The following NLGN1 variants were observed in gnomAD, a reference collection of about 807,000 sequenced individuals.
NLGN1 encodes the protein neuroligin-1.
In NLGN1, 12 loss-of-function variants were observed where a neutral mutation model predicts 65.5. That is an observed-to-expected ratio of 0.18 (90% confidence interval 0.12 to 0.30). The LOEUF is 0.30. Among genes scored for constraint, NLGN1 ranks in the 10% least tolerant of loss-of-function variants. NLGN1 has a pLI of 1.00. For missense variants in NLGN1, 750 were observed against 1,007.1 expected (o/e 0.74, Z 3.46); for synonymous variants, 350 against 359.5 (o/e 0.97, Z 0.30).
intron 4 of NLGN1, among the ~76,000 whole-genome samples, chr3:174,274,042 C>G (rs932199885): frequency 6.6e-6 from 1 of 151,362 alleles, no homozygotes; most frequent in Non-Finnish European, 1.5e-5. Context: ...CAATCATTGA[C>G]CCATTATGTT....
chr3:173,806,308 T>G (rs1277324359), intron 3 of NLGN1, among the ~76,000 whole-genome samples: 1 of 152,126 alleles, frequency 6.6e-6, no homozygotes, highest in Non-Finnish European at 1.5e-5. Flanking sequence ...TCTATTTTTT[T>G]ACAAAAAATG....
At chr3:173,541,129 T>C (rs1052404212) in intron 2 of NLGN1, among the ~76,000 whole-genome samples, 2 of 152,156 alleles carry the variant, frequency 1.3e-5, no homozygotes, top group African/African-American at 4.8e-5. Flanking sequence ...CTATAAGATA[T>C]AAACAATGTT....
intron 4 of NLGN1, among the ~76,000 whole-genome samples, chr3:173,843,822 C>A (rs1725253059): frequency 6.6e-6 from 1 of 152,164 alleles, no homozygotes; most frequent in Non-Finnish European, 1.5e-5. Flanking sequence ...CTGCCTATTA[C>A]CCAATTCCAA....
intron 2 of NLGN1, among the ~76,000 whole-genome samples, chr3:173,542,969 T>A (rs979930708): frequency 6.6e-6 from 1 of 152,090 alleles, no homozygotes; most frequent in African/African-American, 2.4e-5. Context: ...ATGTCCAGGT[T>A]CCATGTCTTC....
At chr3:173,776,975 A>G (rs1419535029) in intron 3 of NLGN1, among the ~76,000 whole-genome samples, 1 of 152,012 alleles carries the variant, frequency 6.6e-6, no homozygotes, top group Non-Finnish European at 1.5e-5. Flanking sequence ...TATACCACAC[A>G]GACAAAATGG....
rs182426126 is a variant in NLGN1 at position 173,635,087 on chromosome 3, A to G, written c.493+29996A>G. Among the ~76,000 whole-genome samples the G allele has an allele frequency of 7.2e-3, 1,094 of 152,300 alleles. 36 individuals carry two copies. The highest frequency in any genetic ancestry group is 0.037 in the East Asian group (193 of 5,186). ...CTTTATGTTTTGCAGGTCTGTGAAC[A>G]CTTATTTTGTCTAACAACATTAATA... is the stretch of plus-strand genomic sequence containing the variant. On this transcript the variant is annotated intron_variant, in intron 3 of 6. Coordinates refer to ENST00000457714, the Ensembl canonical transcript of NLGN1.
chr3:173,978,677 A>G (rs1718062932), intron 4 of NLGN1, among the ~76,000 whole-genome samples: 1 of 151,744 alleles, frequency 6.6e-6, no homozygotes, highest in Non-Finnish European at 1.5e-5. Flanking sequence ...GCAGTGGTCA[A>G]CCTTTGTCAA....
At position 174,094,359 on chromosome 3, in the gene NLGN1, C is replaced by T. The variant is rs1402071955; in HGVS notation, c.647-180956C>T. ...TATATAGAGACTTGTAGCTATAGAG[C>T]GAGCTTGTCCAACCCATGGCCTGGT... On this transcript the variant is annotated intron_variant, in intron 4 of 6. Coordinates refer to ENST00000457714, the Ensembl canonical transcript of NLGN1. Among the ~76,000 whole-genome samples the T allele has an allele frequency of 6.6e-5, 10 of 152,038 alleles. No individual in the cohort carries two copies. The East Asian group carries it at 1.7e-3, about 26-fold the overall frequency.
intron 2 of NLGN1, among the ~76,000 whole-genome samples, chr3:173,565,862 A>T (rs1430053807): frequency 6.6e-6 from 1 of 152,236 alleles, no homozygotes; most frequent in Non-Finnish European, 1.5e-5. Flanking sequence ...AGATGTATGT[A>T]TTGAAGAGCA....
intron 4 of NLGN1, among the ~76,000 whole-genome samples, chr3:174,115,699 G>A (rs1458182375): frequency 6.6e-6 from 1 of 152,124 alleles, no homozygotes; most frequent in African/African-American, 2.4e-5. Flanking sequence ...GGAGCCTGGG[G>A]ATACTCTTAC....
chr3:174,026,541 CAT>C (rs1156437472), intron 4 of NLGN1, among the ~76,000 whole-genome samples: 1 of 152,078 alleles, frequency 6.6e-6, no homozygotes, highest in Non-Finnish European at 1.5e-5. Flanking sequence ...AAACACTACT[CAT>C]ATAAATAAAA....
intron 3 of NLGN1, among the ~76,000 whole-genome samples, chr3:173,701,615 T>C (rs563687394): frequency 6.6e-6 from 1 of 152,352 alleles, no homozygotes; most frequent in Non-Finnish European, 1.5e-5. Flanking sequence ...TGGTGATTTG[T>C]TAACAGGAAA....
chr3:173,566,490 C>T (rs1192398692), intron 2 of NLGN1, among the ~76,000 whole-genome samples: 1 of 152,116 alleles, frequency 6.6e-6, no homozygotes, highest in Admixed American at 6.5e-5. Flanking sequence ...TAATAAAATT[C>T]TGTCAAATTA....
chr3:173,758,627 T>C (rs1019044891), intron 3 of NLGN1, among the ~76,000 whole-genome samples: 1 of 151,978 alleles, frequency 6.6e-6, no homozygotes, highest in African/African-American at 2.4e-5. Context: ...CATGTCTTGC[T>C]CTGACTTTTG....
intron 4 of NLGN1, among the ~76,000 whole-genome samples, chr3:173,999,189 G>T (rs1722823980): frequency 6.6e-6 from 1 of 151,956 alleles, no homozygotes; most frequent in Non-Finnish European, 1.5e-5. Context: ...AGCTACAATT[G>T]AATAAAAGTC....
intron 4 of NLGN1, among the ~76,000 whole-genome samples, chr3:174,166,545 G>A (rs1295604156): frequency 6.6e-6 from 1 of 152,054 alleles, no homozygotes; most frequent in Non-Finnish European, 1.5e-5. Flanking sequence ...GTCCAAGAGT[G>A]TGGTTGGTAT....
chr3:174,148,456 A>C (rs1284675771), intron 4 of NLGN1, among the ~76,000 whole-genome samples: 1 of 152,158 alleles, frequency 6.6e-6, no homozygotes, highest in African/African-American at 2.4e-5. Context: ...AATACATACC[A>C]AATTGCCATA....
intron 2 of NLGN1, among the ~76,000 whole-genome samples, chr3:173,561,630 A>G (rs1742748716): frequency 6.6e-6 from 1 of 152,210 alleles, no homozygotes; most frequent in South Asian, 2.1e-4. Context: ...ACCAAATACT[A>G]TAATAAATAT....
chr3:174,221,816 G>C (rs1487913081), intron 4 of NLGN1, among the ~76,000 whole-genome samples: 2 of 151,856 alleles, frequency 1.3e-5, no homozygotes, highest in Admixed American at 6.6e-5. Flanking sequence ...AATCTCTGCT[G>C]TTCCTTGATA....
Sources: allele counts gnomAD v4.1 joint callset (sites outside exome capture counted in the v4.1 genomes callset), GRCh38; gene constraint gnomAD v4.1.1; transcripts MANE v1.5; gene names NCBI Gene and HGNC (gene_info 2026-07-23, HGNC 2026-07-21).